Variants in CPM observed in about 807,000 individuals in gnomAD.
CPM encodes renal carboxypeptidase.
In CPM, 35 loss-of-function variants were observed where a neutral mutation model predicts 46.4. The observed-to-expected ratio is 0.75, with a 90% confidence interval of 0.58 to 1.00. The LOEUF (loss-of-function observed/expected upper bound fraction) is 1.00, where lower values mean the gene tolerates loss of function less well. CPM is among the 50% of genes least tolerant of loss of function. The probability of loss-of-function intolerance (pLI) is 0.00; values close to 1 mark genes in which losing one functional copy is unlikely to be tolerated. For missense variants in CPM, 422 were observed against 530.4 expected, an observed-to-expected ratio of 0.80 and a Z score of 2.01; for synonymous variants, 195 against 195.3, an observed-to-expected ratio of 1.00 and a Z score of 0.01.
intron 2 of CPM, among the ~76,000 whole-genome samples, chr12:68,889,427 A>C (rs1886563152): frequency 6.6e-6 from 1 of 152,224 alleles, no homozygotes; most frequent in African/African-American, 2.4e-5. Flanking sequence ...ATAACATTAA[A>C]ATATTTTATA....
At chr12:68,869,612 G>A in intron 5 of CPM, 117 bp from the exon 6 acceptor site, 1 of 903,772 alleles carries the variant, frequency 1.1e-6, no homozygotes, top group South Asian at 2.1e-5. Flanking sequence ...TTTCCCTAGA[G>A]AGAAATCCTT....
intron 1 of CPM, among the ~76,000 whole-genome samples, chr12:68,948,179 G>A (rs550029281): frequency 3.7e-4 from 56 of 152,246 alleles, no homozygotes; most frequent in African/African-American, 1.3e-3. Flanking sequence ...CTGTTCCCTC[G>A]AGCACCCTGG....
intron 2 of CPM, among the ~76,000 whole-genome samples, chr12:68,894,146 G>C (rs1314361255): frequency 6.6e-6 from 1 of 152,070 alleles, no homozygotes; most frequent in African/African-American, 2.4e-5. Flanking sequence ...CTAATCCTGT[G>C]TCATCTTTCT....
intron 1 of CPM, among the ~76,000 whole-genome samples, chr12:68,953,353 T>C (rs1276028293): frequency 1.3e-5 from 2 of 152,278 alleles, no homozygotes. Context: ...GGAATATTCT[T>C]CCTCCTGACT....
At chr12:68,896,604 T>C (rs746481745) in intron 2 of CPM, among the ~76,000 whole-genome samples, 1 of 152,180 alleles carries the variant, frequency 6.6e-6, no homozygotes, top group Admixed American at 6.5e-5. Flanking sequence ...TGAGGTGCCA[T>C]CCTGGGTGGG....
chr12:68,869,779 C>T (rs781197872), intron 5 of CPM, among the ~76,000 whole-genome samples: 1 of 152,074 alleles, frequency 6.6e-6, no homozygotes, highest in Non-Finnish European at 1.5e-5. Context: ...AGGACAATTT[C>T]TTTAGGTATT....
chr12:68,861,633 A>T (rs1405821536), intron 7 of CPM, among the ~76,000 whole-genome samples: 2 of 151,672 alleles, frequency 1.3e-5, no homozygotes, highest in Non-Finnish European at 2.9e-5. Context: ...GGGTTCAAGC[A>T]ATCTCCTGCC....
intron 2 of CPM, among the ~76,000 whole-genome samples, chr12:68,928,975 T>C (rs1482341748): frequency 6.6e-6 from 1 of 151,500 alleles, no homozygotes; most frequent in East Asian, 1.9e-4. Flanking sequence ...CCTGAAGTGC[T>C]GGGATTATAG....
At chr12:68,929,553 A>T (rs1275452596) in intron 2 of CPM, among the ~76,000 whole-genome samples, 1 of 152,236 alleles carries the variant, frequency 6.6e-6, no homozygotes, top group Admixed American at 6.5e-5. Flanking sequence ...AAAAGGCTCA[A>T]CTGAAATATG....
chr12:68,853,355 T>C lies in CPM; in HGVS notation c.*3082A>G, dbSNP rs1235491020. 1 of 152,264 alleles carries C rather than the reference T, an allele frequency of 6.6e-6. No homozygotes were observed. Among genetic ancestry groups the C allele is most frequent in the African/African-American group, 2.4e-5 (1 of 41,478 alleles). The allele number at this position is 152,264 out of a possible 1,614,324, so 9.4% of individuals were successfully genotyped here. A position where few individuals can be genotyped will look rare whatever the true frequency, so the allele number is the denominator to read the frequency against. On this transcript the variant is annotated 3_prime_UTR_variant, in exon 9 of 9. Transcript: ENST00000551568. ...TATGTACTTTCAAGTATATAATTAC[T>C]GCTTCTTTAAATACAAATGATCAAG...
intron 4 of CPM, 157 bp downstream of exon 4, chr12:68,871,627 G>T: frequency 2.6e-6 from 2 of 771,170 alleles, no homozygotes; most frequent in Non-Finnish European, 4.3e-6. Flanking sequence ...GCCGGAGGCA[G>T]CCCTGATGTG....
chr12:68,843,032 G>C, intron 5 of CPM: 1 of 214,612 alleles, frequency 4.7e-6, no homozygotes, highest in South Asian at 1.9e-4. Context: ...TTTATTTTTC[G>C]AGCCTAGCAA....
In CPM at chr12:68,852,878, C is replaced by CATT. The variant is rs1366648352; in HGVS notation, c.*3556_*3558dup. 1 of 152,024 alleles carries CATT rather than the reference C, an allele frequency of 6.6e-6. No individual in the cohort carries two copies. The highest frequency in any genetic ancestry group is 2.4e-5 in the African/African-American group (1 of 41,348). The allele number at this position is 152,024 out of a possible 1,614,324, so 9.4% of individuals were successfully genotyped here. The stretch of plus-strand genomic sequence containing the variant: ...TGCCTGACTGCTGCTTTCTAAATAC[C>CATT]ATTTCACTCCCACATTTTTCTCCCA... On this transcript the variant is annotated 3_prime_UTR_variant, in exon 9 of 9. Transcript: ENST00000551568.
chr12:68,849,616 G>A (rs1019432400), downstream of CPM: 1 of 151,644 alleles, frequency 6.6e-6, no homozygotes, highest in African/African-American at 2.4e-5. Context: ...CACCATGCTA[G>A]CCTTGAACTC....
rs1272947732 is a variant in CPM at position 68,855,258 on chromosome 12, T to C, written c.*1179A>G. 6.6e-6 allele frequency: 1 copy of C among 152,308 alleles called. No individual in the cohort carries two copies. The highest frequency in any genetic ancestry group is 2.4e-5 in the African/African-American group (1 of 41,364). The allele number at this position is 152,308 out of a possible 1,614,324, so 9.4% of individuals were successfully genotyped here. ...GTTCCTAGCTTGGTGGTCCCAGTAA[T>C]TGAGAGAGAGAATGCAGCAGGAAGA... is the stretch of plus-strand genomic sequence containing the variant. On this transcript the variant is annotated 3_prime_UTR_variant, in exon 9 of 9. Coordinates refer to ENST00000551568, the MANE Select transcript of CPM (RefSeq NM_198320.5).
At chr12:68,915,909 C>A (rs186939663) in intron 2 of CPM, among the ~76,000 whole-genome samples, 6 of 152,290 alleles carry the variant, frequency 3.9e-5, no homozygotes, top group Admixed American at 3.9e-4. Context: ...AGGAACTTAT[C>A]GCAGTTTTTA....
chr12:68,926,017 A>T (rs565368712), intron 2 of CPM, among the ~76,000 whole-genome samples: 2 of 152,238 alleles, frequency 1.3e-5, no homozygotes, highest in African/African-American at 4.8e-5. Context: ...CCCAAGCTCA[A>T]GCAATCCTCC....
intron 2 of CPM, among the ~76,000 whole-genome samples, chr12:68,916,486 T>C (rs1270184246): frequency 6.6e-6 from 1 of 152,252 alleles, no homozygotes; most frequent in African/African-American, 2.4e-5. Flanking sequence ...GATTATTATT[T>C]TTACACACTT....
downstream of CPM, chr12:68,849,926 G>A (rs145035636): frequency 0.022 from 3,317 of 152,200 alleles, 35 homozygotes; most frequent in African/African-American, 0.025. Context: ...TCTTAACAGC[G>A]CTGAGAGACC....
Sources: gnomAD v4.1 joint callset for allele counts (sites outside exome capture counted in the v4.1 genomes callset) on GRCh38, gnomAD v4.1.1 for gene constraint, MANE v1.5 for transcripts, NCBI Gene and HGNC (gene_info 2026-07-23, HGNC 2026-07-21) for gene names.